Variants in TBC1D5 observed in about 807,000 individuals in gnomAD.
The protein encoded by TBC1D5 is TBC1 domain family, member 5.
Under a neutral mutation model 100.3 loss-of-function variants are expected in TBC1D5, and 75 were observed. That is an observed-to-expected ratio of 0.75 (90% confidence interval 0.62 to 0.91). TBC1D5 has a LOEUF of 0.91. TBC1D5 is among the 40% of genes least tolerant of loss of function. The pLI, the probability that TBC1D5 is intolerant of heterozygous loss-of-function variation, is 0.00. For synonymous variants in TBC1D5, 323 were observed against 325.6 expected (o/e 0.99, Z 0.09); for missense variants, 910 against 942.4 (o/e 0.97, Z 0.45).
chr3:17,556,034 T>C (rs142277272), intron 2 of TBC1D5, among the ~76,000 whole-genome samples: 1 of 152,268 alleles, frequency 6.6e-6, no homozygotes, highest in East Asian at 1.9e-4. Flanking sequence ...AGTTTGGTTT[T>C]TTTTTTGAGA....
At chr3:17,491,887 C>T (rs183986584) in intron 3 of TBC1D5, among the ~76,000 whole-genome samples, 49 of 152,270 alleles carry the variant, frequency 3.2e-4, no homozygotes, top group African/African-American at 1.2e-3. Flanking sequence ...CTTCTTTCTG[C>T]ACCTCTGATA....
chr3:17,642,677 TG>T, intron 1 of TBC1D5, among the ~76,000 whole-genome samples: 1 of 152,282 alleles, frequency 6.6e-6, no homozygotes, highest in East Asian at 1.9e-4. Flanking sequence ...CAACAAATTG[TG>T]GTCAGCAACA....
chr3:17,533,088 C>G (rs1026319065), intron 2 of TBC1D5, among the ~76,000 whole-genome samples: 185 of 151,686 alleles, frequency 1.2e-3, no homozygotes, highest in Admixed American at 2.2e-3. Context: ...CACACACACA[C>G]ACACACACAC....
chr3:17,515,976 G>A (rs951640406), intron 2 of TBC1D5, among the ~76,000 whole-genome samples: 1 of 152,206 alleles, frequency 6.6e-6, no homozygotes, highest in African/African-American at 2.4e-5. Context: ...AAATGCTACA[G>A]ATTCACATTG....
intron 18 of TBC1D5, among the ~76,000 whole-genome samples, chr3:17,209,363 C>T (rs1395449331): frequency 6.6e-6 from 1 of 152,200 alleles, no homozygotes; most frequent in Non-Finnish European, 1.5e-5. Context: ...GTTGCTCAGG[C>T]TGGTCTCGAA....
intron 17 of TBC1D5, among the ~76,000 whole-genome samples, chr3:17,229,397 C>T (rs1345822541): frequency 6.6e-6 from 1 of 152,168 alleles, no homozygotes; most frequent in Non-Finnish European, 1.5e-5. Context: ...CTGGAATAGA[C>T]ATTCTCTAGC....
chr3:17,735,796 G>A (rs1333785976), intron 1 of TBC1D5, among the ~76,000 whole-genome samples: 1 of 152,216 alleles, frequency 6.6e-6, no homozygotes, highest in African/African-American at 2.4e-5. Flanking sequence ...GAAGTCAGCA[G>A]CAGGTGTGCG....
intron 19 of TBC1D5, among the ~76,000 whole-genome samples, chr3:17,181,571 C>T (rs1485558679): frequency 3.3e-5 from 5 of 152,190 alleles, no homozygotes; most frequent in African/African-American, 1.2e-4. Context: ...GGGTTCAACC[C>T]TAGATCTGTT....
chr3:17,374,007 A>G (rs978086203), intron 12 of TBC1D5, among the ~76,000 whole-genome samples: 1 of 152,160 alleles, frequency 6.6e-6, no homozygotes, highest in African/African-American at 2.4e-5. Flanking sequence ...TGCTATGTGA[A>G]TTATATAAAA....
intron 1 of TBC1D5, among the ~76,000 whole-genome samples, chr3:17,733,989 C>T (rs1019242088): frequency 1.3e-5 from 2 of 152,034 alleles, no homozygotes; most frequent in Non-Finnish European, 2.9e-5. Context: ...GCCTGGGCAA[C>T]AGTGCAAGAC....
intron 2 of TBC1D5, among the ~76,000 whole-genome samples, chr3:17,523,203 G>A (rs2096082600): frequency 1.3e-5 from 2 of 152,108 alleles, no homozygotes; most frequent in South Asian, 4.1e-4. Flanking sequence ...TCTCAAGGTC[G>A]CACACTAAGT....
At chr3:17,236,300 C>T (rs1335451220) in intron 17 of TBC1D5, among the ~76,000 whole-genome samples, 1 of 152,028 alleles carries the variant, frequency 6.6e-6, no homozygotes, top group African/African-American at 2.4e-5. Flanking sequence ...ATATTGAAAT[C>T]GTATTTGTTT....
At chr3:17,401,195 T>A (rs1473789407) in intron 8 of TBC1D5, among the ~76,000 whole-genome samples, 1 of 151,654 alleles carries the variant, frequency 6.6e-6, no homozygotes, top group Non-Finnish European at 1.5e-5. Flanking sequence ...TAGAGATACA[T>A]TTTAAGAAAA....
chr3:17,301,517 T>G (rs945982114), intron 14 of TBC1D5, among the ~76,000 whole-genome samples: 4 of 152,226 alleles, frequency 2.6e-5, no homozygotes, highest in Non-Finnish European at 4.4e-5. Flanking sequence ...ACTGAGCACA[T>G]GAAGAGCTTC....
intron 13 of TBC1D5, among the ~76,000 whole-genome samples, chr3:17,359,880 GA>G (rs2091551066): frequency 6.6e-6 from 1 of 151,958 alleles, no homozygotes; most frequent in Admixed American, 6.6e-5. Context: ...GGAGACCCAT[GA>G]AATAAAAAAT....
At chr3:17,611,341 T>C (rs1379237663) in intron 2 of TBC1D5, among the ~76,000 whole-genome samples, 1 of 152,164 alleles carries the variant, frequency 6.6e-6, no homozygotes, top group Non-Finnish European at 1.5e-5. Flanking sequence ...GATGATACTT[T>C]AAGCCTCAAA....
Position 17,546,795 on chromosome 3 carries a change from A to AAAAG in TBC1D5, c.-35-38194_-35-38191dup, listed in dbSNP as rs528872276. On this transcript the variant is annotated intron_variant, in intron 2 of 21. Coordinates refer to ENST00000253692, the Ensembl canonical transcript of TBC1D5. ...CGAGACTCCATCTCAAAAAAAAAAA[A>AAAAG]AAAGAAAGAAAGAAAGAAAGAAATC... Among the ~76,000 whole-genome samples the AAAAG allele has an allele frequency of 3.4e-3, 514 of 151,986 alleles. 5 individuals are homozygous for AAAAG. The highest frequency in any genetic ancestry group is 0.011 in the African/African-American group (455 of 41,454).
intron 16 of TBC1D5, among the ~76,000 whole-genome samples, chr3:17,246,047 T>C (rs1332663190): frequency 6.6e-6 from 1 of 152,068 alleles, no homozygotes; most frequent in African/African-American, 2.4e-5. Context: ...CTATATGTCT[T>C]CATAATTGAA....
chr3:17,240,162 G>C (rs1218497817), intron 16 of TBC1D5, among the ~76,000 whole-genome samples: 1 of 152,122 alleles, frequency 6.6e-6, no homozygotes, highest in Non-Finnish European at 1.5e-5. Flanking sequence ...AAGAACACTA[G>C]ACTTCTACCT....
Sources: allele counts gnomAD v4.1 joint callset (sites outside exome capture counted in the v4.1 genomes callset), GRCh38; gene constraint gnomAD v4.1.1; transcripts MANE v1.5; gene names NCBI Gene and HGNC (gene_info 2026-07-23, HGNC 2026-07-21).